POLD1: variants seen among roughly 807,000 people sequenced by gnomAD.
POLD1 encodes DNA polymerase delta catalytic subunit.
A neutral mutation model predicts 129.7 loss-of-function variants in POLD1; 79 were observed. The ratio of observed to expected loss-of-function variants is 0.61; its 90% CI spans 0.51 to 0.73. The LOEUF is 0.73. POLD1 is among the 30% of genes least tolerant of loss of function. The pLI is 0.00. For missense variants in POLD1, 1,338 were observed against 1,595.8 expected, an observed-to-expected ratio of 0.84 and a Z score of 2.75; for synonymous variants, 714 against 683.3, an observed-to-expected ratio of 1.04 and a Z score of -0.70.
rs777857423 is a variant in POLD1 at position 50,415,423 on chromosome 19, C to T, written c.2565-15C>T. 6.2e-6 allele frequency: 10 copies of T among 1,604,740 alleles called. No individual in the cohort carries two copies. Among genetic ancestry groups the T allele is most frequent in the Non-Finnish European group, 7.7e-6 (9 of 1,174,062 alleles). On this transcript the variant is annotated splice_polypyrimidine_tract_variant and intron_variant, in intron 20 of 26. Transcript: ENST00000440232. ...AGTGCCTTTTGGTGACGCTGTGCGG[C>T]CCGCTCTCCTACAGAGACCCTGAGG...
At chr19:50,400,211 ATTTTTTTTTTT>A (rs549820323) in intron 3 of POLD1, among the ~76,000 whole-genome samples, 30 of 67,812 alleles carry the variant, frequency 4.4e-4, no homozygotes, top group African/African-American at 1.2e-3. Flanking sequence ...CTGGCCAATA[ATTTTTTTTTTT>A]TTTTTTTTTT....
At chr19:50,401,633 A>C in intron 3 of POLD1, 145 bp from the exon 4 acceptor site, 2 of 837,362 alleles carry the variant, frequency 2.4e-6, no homozygotes, top group East Asian at 4.9e-5. Flanking sequence ...GATGGGAACC[A>C]GGGGGGAGGC....
intron 15 of POLD1, 53 bp downstream of exon 15, chr19:50,408,954 TG>T (rs200210062): frequency 0.01 from 15,844 of 1,536,218 alleles, 108 homozygotes; most frequent in Non-Finnish European, 0.013. Context: ...GGCCTTCCCT[TG>T]GGGGGCTCAG....
Position 50,409,263 on chromosome 19 carries a change from G to A in POLD1, c.2006+28G>A. The A allele has an allele frequency of 6.7e-7, 1 of 1,503,132 alleles. No homozygotes were observed. Among genetic ancestry groups the A allele is most frequent in the Non-Finnish European group, 9.3e-7 (1 of 1,080,672 alleles). The allele number at this position is 1,503,132 out of a possible 1,614,324, so 93.1% of individuals were successfully genotyped here. On this transcript the variant is annotated intron_variant, in intron 16 of 26. Coordinates refer to ENST00000440232, the MANE Select transcript of POLD1 (RefSeq NM_002691.4). This position sits in a 1 kb window ranked among gnomAD's most constrained non-coding sequence, Gnocchi z 5.8. ...GAGCCCTGGAGATCGCCTGCTTGGAGCTCAGACCTGTTGGGGCCTCTGGGC... is the reference window on the plus strand; with the variant it reads ...GAGCCCTGGAGATCGCCTGCTTGGAACTCAGACCTGTTGGGGCCTCTGGGC...
chr19:50,415,543 G>A lies in POLD1; in HGVS notation c.2670G>A (p.Ala890=), dbSNP rs780344110. 1.3e-5 allele frequency: 21 copies of A among 1,612,760 alleles called. No individual in the cohort carries two copies. The highest frequency in any genetic ancestry group is 5.5e-5 in the South Asian group (5 of 91,016). ...TCATCACCAAGGAGCTGACCCGCGC[G>A]GCCTCCGACTATGCCGGCAAGCAGG... ...QLVITKELTR[A]ASDYAGKQAH... The change falls in exon 21 of 27, where the codon GCG becomes GCA. Residue 890 remains alanine, a synonymous_variant. Transcript: ENST00000440232.
intron 22 of POLD1, chr19:50,416,051 G>A: frequency 1.7e-6 from 1 of 576,424 alleles, no homozygotes; most frequent in East Asian, 2.9e-5. Flanking sequence ...TCCCTCCCCT[G>A]TGCATACAGC....
intron 17 of POLD1, among the ~76,000 whole-genome samples, chr19:50,412,418 G>T (rs2122424624): frequency 6.6e-6 from 1 of 151,626 alleles, no homozygotes; most frequent in Non-Finnish European, 1.5e-5. Context: ...CTCCCAAAGT[G>T]CTGGGATTAC....
chr19:50,385,857 C>A (rs1053582659), intron 1 of POLD1, among the ~76,000 whole-genome samples: 4 of 151,916 alleles, frequency 2.6e-5, no homozygotes, highest in African/African-American at 7.2e-5. Context: ...ACTTCCCCCC[C>A]ACAGGTCTCT....
At chr19:50,408,929 C>T in intron 15 of POLD1, 28 bp downstream of exon 15, 1 of 1,589,154 alleles carries the variant, frequency 6.3e-7, no homozygotes, top group South Asian at 1.1e-5. Context: ...GCATGTGTCC[C>T]CCGAGGCCCA....
At position 50,402,671 on chromosome 19, in the gene POLD1, G is replaced by A. The variant is rs142407935; in HGVS notation, c.900G>A (p.Pro300=). The change falls in exon 8 of 27, where the codon CCG becomes CCA. Residue 300 remains proline (P), a synonymous_variant. Transcript: ENST00000440232. ...GGTCTGACGTGGTCAGTCACCCACC[G>A]GAAGGGCCATGGCAGCGCATTGCGC... ...VLWSDVVSHP[P]EGPWQRIAPL... The A allele has an allele frequency of 9.0e-5, 144 of 1,598,396 alleles. 2 individuals are homozygous for A. The highest frequency in any genetic ancestry group is 7.7e-4 in the South Asian group (69 of 89,636).
intron 10 of POLD1, among the ~76,000 whole-genome samples, chr19:50,405,501 A>T (rs1478062822): frequency 1.3e-5 from 2 of 152,162 alleles, no homozygotes; most frequent in African/African-American, 4.8e-5. Flanking sequence ...GGATGAGGCG[A>T]GAGGATCGAT....
chr19:50,406,051 T>C lies in POLD1; in HGVS notation c.1243-131T>C. 1 of 1,080,172 alleles carries C rather than the reference T, an allele frequency of 9.3e-7. No individual in the cohort carries two copies. Among genetic ancestry groups the C allele is most frequent in the East Asian group, 2.4e-5 (1 of 41,842 alleles). 66.9% of individuals were successfully genotyped at this position (1,080,172 alleles called of 1,614,324 possible). ...ACCCACACCCAGCCCCAGACCGTCT[T>C]TCTGCCCCCAGGGTTGCTCTCGACC... is the stretch of plus-strand genomic sequence containing the variant. On this transcript the variant is annotated intron_variant, in intron 10 of 26. Transcript: ENST00000440232. This position sits in a 1 kb window ranked among gnomAD's most constrained non-coding sequence, Gnocchi z 5.5.
At position 50,390,200 on chromosome 19, in the gene POLD1, C is replaced by T. The variant is rs140118560; in HGVS notation, c.-2+5810C>T. ...TTGGGATTACAGGTGTGAGCCACTG[C>T]GCCTGGCCAATAATTTCTTTTTTTC... is the stretch of plus-strand genomic sequence containing the variant. On this transcript the variant is annotated intron_variant, in intron 1 of 26. Transcript: ENST00000440232. Among the ~76,000 whole-genome samples, 398 of 151,870 alleles carry T rather than the reference C, an allele frequency of 2.6e-3. 3 individuals carry two copies. The highest frequency in any genetic ancestry group is 9.0e-3 in the African/African-American group (374 of 41,392).
intron 1 of POLD1, among the ~76,000 whole-genome samples, chr19:50,396,991 A>C (rs1356088329): frequency 6.7e-6 from 1 of 150,038 alleles, no homozygotes; most frequent in Non-Finnish European, 1.5e-5. Context: ...GCTACTCAGG[A>C]GGCTGAGGCA....
intron 10 of POLD1, among the ~76,000 whole-genome samples, chr19:50,405,296 A>T (rs1414458417): frequency 6.6e-6 from 1 of 152,222 alleles, no homozygotes; most frequent in Non-Finnish European, 1.5e-5. Flanking sequence ...CTGCGAAGAC[A>T]TATTTCCAAA....
chr19:50,413,428 C>A lies in POLD1; in HGVS notation c.2157C>A (p.Ser719Arg). 6.2e-7 allele frequency: 1 copy of A among 1,612,508 alleles called. No individual in the cohort carries two copies. The highest frequency in any genetic ancestry group is 8.5e-7 in the Non-Finnish European group (1 of 1,179,074). Reference protein sequence around the residue: ...GKLPCLEISQSVTGFGRQMIE... With the variant: ...GKLPCLEISQRVTGFGRQMIE... ...CCGCATGATTCTCTCCCCGACAGAG[C>A]GTCACGGGGTTCGGACGTCAGATGA... Residue 719 changes from serine (S) to arginine (R), a missense_variant and splice_region_variant, in exon 18 of 27, where the codon AGC becomes AGA. Transcript: ENST00000440232.
At position 50,401,402 on chromosome 19, in the gene POLD1, T is replaced by A. The variant is rs1222710968; in HGVS notation, c.317-376T>A. ...ATATATATATATATATTTTTTTTTTTTTTTTTTTTTTTTCTTTTTTTTGAG... is the reference window on the plus strand; with the variant it reads ...ATATATATATATATATTTTTTTTTTATTTTTTTTTTTTTCTTTTTTTTGAG... On this transcript the variant is annotated intron_variant, in intron 3 of 26. Coordinates refer to ENST00000440232, the MANE Select transcript of POLD1 (RefSeq NM_002691.4). Among the ~76,000 whole-genome samples, 174 of 130,796 alleles carry A rather than the reference T, an allele frequency of 1.3e-3. 1 individual carries two copies. Among genetic ancestry groups the A allele is most frequent in the Middle Eastern group, 3.8e-3 (1 of 262 alleles). 85.8% of individuals were successfully genotyped at this position (130,796 alleles called of 152,430 possible).
rs1284715829 is a variant in POLD1, at chr19:50,415,084, C to T, written c.2564+94C>T. On this transcript the variant is annotated intron_variant, in intron 20 of 26. Transcript: ENST00000440232. Reference sequence around the variant, plus strand: ...GTCTAGGCCCCAGCCCCTCCTCCCTCAGACCCACGGGTCCAGGCCCCCAGC... The same window carrying T: ...GTCTAGGCCCCAGCCCCTCCTCCCTTAGACCCACGGGTCCAGGCCCCCAGC... 18 of 1,216,170 alleles carry T rather than the reference C, an allele frequency of 1.5e-5. No individual in the cohort carries two copies. The Admixed American group carries it at 5.2e-4, about 35-fold the overall frequency. 75.3% of individuals were successfully genotyped at this position (1,216,170 alleles called of 1,614,324 possible). A position where few individuals can be genotyped will look rare whatever the true frequency, so the allele number is the denominator to read the frequency against.
At position 50,403,061 on chromosome 19, in the gene POLD1, C is replaced by G; in HGVS notation, c.979C>G (p.Pro327Ala). 6.4e-7 allele frequency: 1 copy of G among 1,558,874 alleles called. No individual in the cohort carries two copies. The highest frequency in any genetic ancestry group is 8.7e-7 in the Non-Finnish European group (1 of 1,150,950). The change falls in exon 9 of 27, where the codon CCT (proline) becomes GCT (alanine). Residue 327 changes from proline (P) to alanine (A), a missense_variant. Coordinates refer to ENST00000440232, the MANE Select transcript of POLD1 (RefSeq NM_002691.4). ...ATCCTCCTGCCTCGCAGGCATCTTC[C>G]CTGAGCCTGAGCGGGACCCTGTCAT... ...IECAGRKGIF[P>A]EPERDPVIQI...
Sources: allele counts gnomAD v4.1 joint callset (sites outside exome capture counted in the v4.1 genomes callset), GRCh38; gene constraint gnomAD v4.1.1; non-coding constraint Gnocchi (gnomAD v3.1); transcripts MANE v1.5; gene names NCBI Gene and HGNC (gene_info 2026-07-23, HGNC 2026-07-21).